PUDP: variants seen among roughly 807,000 people sequenced by gnomAD.
PUDP encodes the protein pseudouridine-5'-phosphatase.
Under a neutral mutation model 9.4 loss-of-function variants are expected in PUDP, and 8 were observed. That is an observed-to-expected ratio of 0.85 (90% CI 0.50 to 1.53). The LOEUF is 1.53. Among genes scored for constraint, PUDP ranks in the 40% most tolerant of loss-of-function variants. PUDP has a pLI of 0.00. For missense variants in PUDP, 188 were observed against 189.7 expected (o/e 0.99, Z 0.05); for synonymous variants, 99 against 80.7 (o/e 1.23, Z -1.22).
At chrX:6,877,451 C>T (rs1190803819) in intron 3 of PUDP, among the ~76,000 whole-genome samples, 8 of 111,666 alleles carry the variant, frequency 7.2e-5, no homozygotes, top group Non-Finnish European at 1.5e-4. Flanking sequence ...GAGAAGCATG[C>T]GGTGCCAGGG....
intron 3 of PUDP, among the ~76,000 whole-genome samples, chrX:6,776,911 G>A (rs775208154): frequency 8.9e-5 from 10 of 111,759 alleles, no homozygotes; most frequent in Non-Finnish European, 1.3e-4. Context: ...CACACATCTC[G>A]GAATATTTCC....
intron 2 of PUDP, among the ~76,000 whole-genome samples, chrX:7,091,702 A>C (rs1221392025): frequency 1.8e-5 from 2 of 111,467 alleles, no homozygotes; most frequent in Non-Finnish European, 3.8e-5. Context: ...CAACTATCTC[A>C]AAATACTGAC....
chrX:7,039,307 T>C (rs1297595710), intron 1 of PUDP, among the ~76,000 whole-genome samples: 1 of 111,915 alleles, frequency 8.9e-6, no homozygotes, highest in Non-Finnish European at 1.9e-5. Context: ...TCAACAAGGT[T>C]TATTTGAAAA....
intron 3 of PUDP, among the ~76,000 whole-genome samples, chrX:6,765,488 T>C (rs1262663251): frequency 8.9e-6 from 1 of 112,169 alleles, no homozygotes; most frequent in Non-Finnish European, 1.9e-5. Flanking sequence ...ATTACAAATA[T>C]TTTAATTATG....
chrX:6,713,488 T>C (rs1924557932), intron 1 of PUDP, among the ~76,000 whole-genome samples: 1 of 112,298 alleles, frequency 8.9e-6, no homozygotes, highest in Admixed American at 9.5e-5. Context: ...GTTAGATGAT[T>C]TAGCCCAAGC....
chrX:6,876,214 T>G (rs182642951), intron 3 of PUDP, among the ~76,000 whole-genome samples: 1 of 112,112 alleles, frequency 8.9e-6, no homozygotes, highest in African/African-American at 3.2e-5. Context: ...TAACATGTTA[T>G]TATAAATCTG....
At chrX:6,733,770 CT>C (rs3046297) in intron 3 of PUDP, among the ~76,000 whole-genome samples, 6,325 of 45,418 alleles carry the variant, frequency 0.14, 67 homozygotes, top group African/African-American at 0.28. Context: ...AAAGCAAAGC[CT>C]TTTTTTTTTT....
At chrX:6,777,631 G>A (rs1392994878) in intron 3 of PUDP, among the ~76,000 whole-genome samples, 1 of 111,846 alleles carries the variant, frequency 8.9e-6, no homozygotes, top group African/African-American at 3.3e-5. Flanking sequence ...TTTATTTTAA[G>A]CCATGTGCCG....
At chrX:6,903,543 G>A (rs1451661315) in intron 3 of PUDP, among the ~76,000 whole-genome samples, 4 of 111,366 alleles carry the variant, frequency 3.6e-5, no homozygotes, top group Admixed American at 9.6e-5. Flanking sequence ...CCAACATAGT[G>A]TCCATCAATG....
chrX:6,906,280 C>T (rs937844594), intron 3 of PUDP, among the ~76,000 whole-genome samples: 11 of 111,869 alleles, frequency 9.8e-5, no homozygotes, highest in South Asian at 3.7e-4. Flanking sequence ...AAATAATTGA[C>T]GACAACAGGC....
chrX:6,949,978 T>C (rs1020854689), intron 3 of PUDP, among the ~76,000 whole-genome samples: 1 of 111,301 alleles, frequency 9.0e-6, no homozygotes, highest in Non-Finnish European at 1.9e-5. Context: ...CCTGGCCATG[T>C]GGAAATGGGA....
In PUDP at chrX:6,902,406, G is replaced by T. The variant is rs192030504; in HGVS notation, c.*247+74727C>A. ...CCTGTGTTATGTGGGATGGTTAGTG[G>T]CATCCTGGCTTCCACCTGTTAGACA... On this transcript the variant is annotated intron_variant and NMD_transcript_variant, in intron 3 of 3. Transcript: ENST00000655425. 4.5e-3 allele frequency among the ~76,000 whole-genome samples: 505 copies of T among 111,765 alleles called. 1 individual carries two copies. The highest frequency in any genetic ancestry group is 4.8e-3 in the Non-Finnish European group (255 of 53,170).
intron 3 of PUDP, among the ~76,000 whole-genome samples, chrX:6,738,034 A>G (rs772109666): frequency 3.6e-5 from 4 of 111,236 alleles, no homozygotes. Context: ...ACTGGATATG[A>G]AAAAAAAGGA....
At chrX:6,916,769 C>T in intron 3 of PUDP, among the ~76,000 whole-genome samples, 1 of 111,872 alleles carries the variant, frequency 8.9e-6, no homozygotes. Context: ...AGTATTTTGA[C>T]TTGATTTTGA....
chrX:7,028,445 A>G (rs1340344185), intron 1 of PUDP, among the ~76,000 whole-genome samples: 1 of 111,531 alleles, frequency 9.0e-6, no homozygotes, highest in Admixed American at 9.6e-5. Flanking sequence ...TAAAGCTGGC[A>G]TGAGAGGCCC....
intron 3 of PUDP, among the ~76,000 whole-genome samples, chrX:6,941,341 C>CTTTTTTTTTTTTTTTTT (rs761887998): frequency 2.5e-5 from 2 of 78,647 alleles, no homozygotes; most frequent in African/African-American, 9.7e-5. Context: ...TCTTTTCTGT[C>CTTTTTTTTTTTTTTTTT]TTTTTTTTTT....
chrX:6,996,678 T>G (rs80020217), intron 1 of PUDP, among the ~76,000 whole-genome samples: 2 of 101,045 alleles, frequency 2.0e-5, no homozygotes, highest in East Asian at 3.2e-4. Flanking sequence ...TTTTTTTTTT[T>G]GAGATGCAGT....
At chrX:6,926,079 C>T (rs999195004) in intron 3 of PUDP, among the ~76,000 whole-genome samples, 4 of 111,502 alleles carry the variant, frequency 3.6e-5, no homozygotes, top group Non-Finnish European at 7.5e-5. Context: ...ACATCATGGC[C>T]GGGAACTCAG....
intron 3 of PUDP, among the ~76,000 whole-genome samples, chrX:7,069,580 G>A (rs1366396035): frequency 1.8e-5 from 2 of 110,580 alleles, no homozygotes; most frequent in East Asian, 5.7e-4. Flanking sequence ...AAGCAGATGG[G>A]GCCTCCATGG....
Sources: gnomAD v4.1 joint callset for allele counts (sites outside exome capture counted in the v4.1 genomes callset) on GRCh38, gnomAD v4.1.1 for gene constraint, MANE v1.5 for transcripts, NCBI Gene and HGNC (gene_info 2026-07-23, HGNC 2026-07-21) for gene names.